The following SETBP1 variants were observed in gnomAD, a reference collection of about 807,000 sequenced individuals.
SETBP1 encodes the protein SET binding protein 1, also known as SET-binding protein.
A neutral mutation model predicts 101.0 loss-of-function variants in SETBP1; 9 were observed. The ratio of observed to expected loss-of-function variants is 0.09; its 90% confidence interval spans 0.05 to 0.16. The LOEUF (loss-of-function observed/expected upper bound fraction) is 0.16, where lower values mean the gene tolerates loss of function less well. SETBP1 is among the 10% of genes least tolerant of loss of function. The pLI, the probability that SETBP1 is intolerant of heterozygous loss-of-function variation, is 1.00. For synonymous variants in SETBP1, 818 were observed against 788.5 expected (o/e 1.04, Z -0.63); for missense variants, 1,858 against 2,033.8 (o/e 0.91, Z 1.66).
chr18:44,844,818 G>C (rs1324841599), intron 2 of SETBP1, among the ~76,000 whole-genome samples: 1 of 152,122 alleles, frequency 6.6e-6, no homozygotes, highest in Admixed American at 6.5e-5. Context: ...GTCCAGGGAG[G>C]CTTTTCAAGG....
chr18:44,918,020 C>G (rs1054592627), intron 3 of SETBP1, among the ~76,000 whole-genome samples: 2 of 152,190 alleles, frequency 1.3e-5, no homozygotes, highest in African/African-American at 2.4e-5. Context: ...CCACAGCATG[C>G]CGCCCTCGGT....
rs1032429963 is a variant in SETBP1 at position 45,027,590 on chromosome 18, C to T, written c.4001-10895C>T. Among the ~76,000 whole-genome samples, 4 of 152,164 alleles carry T rather than the reference C, an allele frequency of 2.6e-5. No homozygotes were observed. In the East Asian group the frequency reaches 7.7e-4, roughly 29 times the overall value. ...AGGAATTAAAATCTTGTAGGGGACG[C>T]ACTTAACTTTAACATATGTAAGAAA... On this transcript the variant is annotated intron_variant, in intron 4 of 5. Transcript: ENST00000649279.
At chr18:44,715,391 G>C (rs771852319) in intron 2 of SETBP1, among the ~76,000 whole-genome samples, 7 of 152,080 alleles carry the variant, frequency 4.6e-5, no homozygotes, top group African/African-American at 7.3e-5. Flanking sequence ...ACTTAATCCA[G>C]AAGTTATTTA....
rs59077847 is a variant in SETBP1 at position 44,963,899 on chromosome 18, C to CAAAAA, written c.4000+10578_4000+10582dup. Among the ~76,000 whole-genome samples the CAAAAA allele has an allele frequency of 1.6e-3, 67 of 41,572 alleles. 3 individuals carry two copies. Among genetic ancestry groups the CAAAAA allele is most frequent in the African/African-American group, 5.7e-3 (50 of 8,734 alleles). 27.3% of individuals were successfully genotyped at this position (41,572 alleles called of 152,430 possible). ...TGGGTAACAGAGCAAGACCCCATCTCAAAAAAAAAAAAAAAAAAAAAAAGG... is the reference window on the plus strand; with the variant it reads ...TGGGTAACAGAGCAAGACCCCATCTCAAAAAAAAAAAAAAAAAAAAAAAAAAAAGG... On this transcript the variant is annotated intron_variant, in intron 4 of 5. Transcript: ENST00000649279.
chr18:44,946,892 C>T (rs538889713), intron 3 of SETBP1, among the ~76,000 whole-genome samples: 1 of 152,260 alleles, frequency 6.6e-6, no homozygotes, highest in South Asian at 2.1e-4. Context: ...AGGAGGTATA[C>T]AGAGAATAAG....
rs957062861 is a variant in SETBP1 at position 45,067,019 on chromosome 18, A to G, written c.*3321A>G. 1 of 152,168 alleles carries G rather than the reference A, an allele frequency of 6.6e-6. No individual in the cohort carries two copies. Among genetic ancestry groups the G allele is most frequent in the Non-Finnish European group, 1.5e-5 (1 of 68,048 alleles). 9.4% of individuals were successfully genotyped at this position (152,168 alleles called of 1,614,324 possible). On this transcript the variant is annotated 3_prime_UTR_variant, in exon 6 of 6. Transcript: ENST00000649279. ...GCCCAGCTCTGGCTAAAACCCAAAG[A>G]AGAAAGGTCAAAGGAAGGGAAAGCA...
At chr18:44,903,831 C>T (rs992822508) in intron 3 of SETBP1, among the ~76,000 whole-genome samples, 8 of 152,178 alleles carry the variant, frequency 5.3e-5, no homozygotes, top group Middle Eastern at 3.2e-3. Context: ...TTAAATTGAA[C>T]TGATTTATTC....
intron 2 of SETBP1, among the ~76,000 whole-genome samples, chr18:44,734,162 A>G (rs1260679505): frequency 6.6e-6 from 1 of 152,226 alleles, no homozygotes; most frequent in African/African-American, 2.4e-5. Flanking sequence ...ATAAAATCTC[A>G]GATAGGCAGT....
At chr18:44,867,155 C>T (rs1166642783) in intron 2 of SETBP1, among the ~76,000 whole-genome samples, 1 of 152,194 alleles carries the variant, frequency 6.6e-6, no homozygotes. Flanking sequence ...TACTTTCTGT[C>T]TCATGAAGGA....
At chr18:45,006,780 C>A (rs946777254) in intron 4 of SETBP1, among the ~76,000 whole-genome samples, 1 of 152,146 alleles carries the variant, frequency 6.6e-6, no homozygotes, top group Non-Finnish European at 1.5e-5. Context: ...GGTTAAAAGA[C>A]CATACATCTT....
At chr18:44,982,199 A>G (rs902886924) in intron 4 of SETBP1, among the ~76,000 whole-genome samples, 22 of 152,238 alleles carry the variant, frequency 1.4e-4, no homozygotes, top group Non-Finnish European at 5.9e-5. Context: ...ATACAGGTGT[A>G]AAATATACAA....
chr18:44,733,701 T>C (rs763897380), intron 2 of SETBP1, among the ~76,000 whole-genome samples: 5 of 152,176 alleles, frequency 3.3e-5, no homozygotes, highest in Non-Finnish European at 7.4e-5. Flanking sequence ...AAAACCCTCT[T>C]TCAGTGTTCC....
At chr18:44,697,891 A>G (rs1291549877) in intron 1 of SETBP1, among the ~76,000 whole-genome samples, 10 of 152,254 alleles carry the variant, frequency 6.6e-5, no homozygotes, top group Non-Finnish European at 1.0e-4. Context: ...CCTTCGTGCA[A>G]CAAACATTTG....
At chr18:44,764,585 G>A (rs2070728366) in intron 2 of SETBP1, among the ~76,000 whole-genome samples, 1 of 152,058 alleles carries the variant, frequency 6.6e-6, no homozygotes, top group African/African-American at 2.4e-5. Flanking sequence ...CAATTCTCCT[G>A]CCTCAGCCTC....
At chr18:45,020,633 C>G (rs567940283) in intron 4 of SETBP1, among the ~76,000 whole-genome samples, 2 of 152,240 alleles carry the variant, frequency 1.3e-5, no homozygotes, top group African/African-American at 4.8e-5. Context: ...TAAAGAAACT[C>G]AGGACAAAAA....
intron 3 of SETBP1, among the ~76,000 whole-genome samples, chr18:44,931,437 T>C (rs28853990): frequency 0.25 from 37,380 of 152,142 alleles, 4,620 homozygotes; most frequent in East Asian, 0.27. Flanking sequence ...TGGAGACTTC[T>C]GTACATGTCT....
intron 3 of SETBP1, among the ~76,000 whole-genome samples, chr18:44,933,606 G>A (rs551265943): frequency 2.0e-5 from 3 of 152,302 alleles, no homozygotes; most frequent in African/African-American, 7.2e-5. Flanking sequence ...CACCCAGTTC[G>A]AGCTTCCTGG....
chr18:44,863,838 A>T (rs55702041), intron 2 of SETBP1, among the ~76,000 whole-genome samples: 3,482 of 152,242 alleles, frequency 0.023, 63 homozygotes, highest in Non-Finnish European at 0.036. Context: ...ATAAGAAAGG[A>T]GATAATCTGG....
chr18:44,694,182 A>G (rs1276674869), intron 1 of SETBP1, among the ~76,000 whole-genome samples: 1 of 152,300 alleles, frequency 6.6e-6, no homozygotes, highest in South Asian at 2.1e-4. Context: ...CAGATTTTTT[A>G]AAAGCACTGA....
Sources: allele counts gnomAD v4.1 joint callset (sites outside exome capture counted in the v4.1 genomes callset), GRCh38; gene constraint gnomAD v4.1.1; transcripts MANE v1.5; gene names NCBI Gene and HGNC (gene_info 2026-07-23, HGNC 2026-07-21).